CCDC171: variants seen among roughly 807,000 people sequenced by gnomAD.
The protein encoded by CCDC171 is coiled-coil domain-containing protein 171.
A neutral mutation model predicts 168.2 loss-of-function variants in CCDC171; 177 were observed. The observed-to-expected ratio is 1.05, with a 90% CI of 0.93 to 1.19. The LOEUF (loss-of-function observed/expected upper bound fraction) is 1.19, where lower values mean the gene tolerates loss of function less well. Among genes scored for constraint, CCDC171 ranks in the 50% most tolerant of loss-of-function variants. The pLI is 0.00. For synonymous variants in CCDC171, 687 were observed against 540.8 expected, an observed-to-expected ratio of 1.27 and a Z score of -3.75; for missense variants, 1,991 against 1,539.0, an observed-to-expected ratio of 1.29 and a Z score of -4.91.
chr9:15,854,457 T>C (rs1274350684), intron 23 of CCDC171, among the ~76,000 whole-genome samples: 2 of 151,702 alleles, frequency 1.3e-5, no homozygotes, highest in African/African-American at 4.8e-5. Flanking sequence ...TTTCTGATTT[T>C]AGTAATTTAG....
intron 25 of CCDC171, among the ~76,000 whole-genome samples, chr9:15,957,883 C>A (rs1292763473): frequency 6.6e-6 from 1 of 151,986 alleles, no homozygotes; most frequent in Non-Finnish European, 1.5e-5. Flanking sequence ...AGGTAAAATG[C>A]AATAATTATA....
chr9:15,969,921 T>A (rs989027874), intron 25 of CCDC171, among the ~76,000 whole-genome samples: 4 of 152,188 alleles, frequency 2.6e-5, no homozygotes, highest in African/African-American at 9.6e-5. Flanking sequence ...TGAGCTGAGA[T>A]GATCAGGCCC....
At chr9:15,679,036 C>G in intron 10 of CCDC171, 140 bp downstream of exon 10, 1 of 577,582 alleles carries the variant, frequency 1.7e-6, no homozygotes, top group Admixed American at 4.1e-5. Flanking sequence ...ATTTCCAAAA[C>G]TGGAAATGCT....
chr9:15,845,549 T>A (rs2130722317), intron 21 of CCDC171: 1 of 152,184 alleles, frequency 6.6e-6, no homozygotes, highest in South Asian at 2.1e-4. Flanking sequence ...TATTCTTTTT[T>A]TTATACTACC....
intron 9 of CCDC171, among the ~76,000 whole-genome samples, chr9:15,668,411 T>C (rs529866780): frequency 7.9e-5 from 12 of 152,188 alleles, no homozygotes; most frequent in Non-Finnish European, 1.6e-4. Flanking sequence ...TTTACTCAAA[T>C]TTAGTATTCC....
intron 7 of CCDC171, among the ~76,000 whole-genome samples, chr9:15,640,249 C>G (rs2046499543): frequency 6.6e-6 from 1 of 152,120 alleles, no homozygotes. Flanking sequence ...GACCAATTCA[C>G]TTCCAAGACC....
chr9:15,913,113 G>A (rs545579341), intron 24 of CCDC171, among the ~76,000 whole-genome samples: 4 of 152,330 alleles, frequency 2.6e-5, no homozygotes, highest in South Asian at 4.1e-4. Context: ...AGAAGGAATG[G>A]TCCAGCTCCT....
At chr9:15,584,222 G>A (rs1325861438) in intron 4 of CCDC171, among the ~76,000 whole-genome samples, 2 of 152,086 alleles carry the variant, frequency 1.3e-5, no homozygotes, top group East Asian at 3.9e-4. Flanking sequence ...AGCTGTCTGG[G>A]GTTATTGATA....
In CCDC171 at chr9:15,734,302, G is replaced by A. The variant is rs563168766; in HGVS notation, c.2049+4504G>A. 4.0e-4 allele frequency among the ~76,000 whole-genome samples: 61 copies of A among 152,306 alleles called. 1 individual carries two copies. The highest frequency in any genetic ancestry group is 6.6e-4 in the Non-Finnish European group (45 of 68,024). On this transcript the variant is annotated intron_variant, in intron 16 of 25. Transcript: ENST00000380701. ...TGTAATCCCAGCACTTTGGGAGGCC[G>A]AGGCAAGTGGATCACCTTGAGGTCA...
intron 24 of CCDC171, chr9:15,883,019 TCCCCTCCCCTC>T (rs1588981850): frequency 2.5e-5 from 7 of 276,828 alleles, no homozygotes; most frequent in Admixed American, 7.9e-5. Context: ...CCTTCCTTCC[TCCCCTCCCCTC>T]CCCTTCCTTT....
chr9:15,898,653 T>C (rs1821230194), intron 24 of CCDC171, among the ~76,000 whole-genome samples: 1 of 152,188 alleles, frequency 6.6e-6, no homozygotes, highest in South Asian at 2.1e-4. Context: ...AATTTGTATA[T>C]CTTCCCTTTT....
intron 18 of CCDC171, among the ~76,000 whole-genome samples, chr9:15,761,844 C>T (rs1422939813): frequency 6.6e-6 from 1 of 151,402 alleles, no homozygotes; most frequent in Admixed American, 6.6e-5. Context: ...CATATTTTTT[C>T]AAACATTTTA....
the CCDC171 span, among the ~76,000 whole-genome samples, chr9:16,078,625 C>G: frequency 6.6e-6 from 1 of 152,088 alleles, no homozygotes; most frequent in African/African-American, 2.4e-5. Flanking sequence ...AGGAGCTGTT[C>G]AAGAAATCAA....
chr9:16,057,636 T>C (rs1833861408), intron 1 of CCDC171, among the ~76,000 whole-genome samples: 1 of 152,356 alleles, frequency 6.6e-6, no homozygotes, highest in African/African-American at 2.4e-5. Flanking sequence ...TGTCTCTTCA[T>C]GTGACCTGCC....
At chr9:15,937,530 A>G (rs1589177399) in intron 25 of CCDC171, among the ~76,000 whole-genome samples, 1 of 151,962 alleles carries the variant, frequency 6.6e-6, no homozygotes, top group African/African-American at 2.4e-5. Flanking sequence ...ATTGTATTTT[A>G]GATGTCTAAA....
intron 24 of CCDC171, chr9:15,875,783 C>T (rs1425083295): frequency 1.3e-5 from 2 of 151,894 alleles, no homozygotes; most frequent in Non-Finnish European, 2.9e-5. Flanking sequence ...AAAAAATACT[C>T]ATTGCTTCTT....
exon 8 of CCDC171, chr9:16,036,203 C>T (rs1029545638): frequency 6.6e-6 from 1 of 152,166 alleles, no homozygotes; most frequent in Non-Finnish European, 1.5e-5. Context: ...ATTCCTGGCC[C>T]AAGGTGAGAA....
At chr9:16,088,398 T>C in the CCDC171 span, among the ~76,000 whole-genome samples, 1 of 152,148 alleles carries the variant, frequency 6.6e-6, no homozygotes, top group Non-Finnish European at 1.5e-5. Context: ...AAGAAATAAA[T>C]GTATTCAGAT....
chr9:16,009,667 T>C (rs1453826710), intron 3 of CCDC171, among the ~76,000 whole-genome samples: 1 of 152,126 alleles, frequency 6.6e-6, no homozygotes, highest in Non-Finnish European at 1.5e-5. Flanking sequence ...TGGTAGAAAA[T>C]TGAGAACACC....
Sources: gnomAD v4.1 joint callset for allele counts (sites outside exome capture counted in the v4.1 genomes callset) on GRCh38, gnomAD v4.1.1 for gene constraint, MANE v1.5 for transcripts, NCBI Gene and HGNC (gene_info 2026-07-23, HGNC 2026-07-21) for gene names.